GNA14: variants seen among roughly 807,000 people sequenced by gnomAD.
GNA14 encodes guanine nucleotide-binding protein subunit alpha-14.
A neutral mutation model predicts 42.0 loss-of-function variants in GNA14; 50 were observed. The ratio of observed to expected loss-of-function variants is 1.19; its 90% confidence interval spans 0.95 to 1.51. GNA14 has a LOEUF of 1.51. Among genes scored for constraint, GNA14 ranks in the 40% most tolerant of loss-of-function variants. The pLI is 0.00. For synonymous variants in GNA14, 173 were observed against 163.1 expected (o/e 1.06, Z -0.46); for missense variants, 473 against 446.2 (o/e 1.06, Z -0.54).
At chr9:77,473,745 C>T (rs577638013) in intron 2 of GNA14, among the ~76,000 whole-genome samples, 4 of 151,714 alleles carry the variant, frequency 2.6e-5, no homozygotes, top group Non-Finnish European at 5.9e-5. Flanking sequence ...GGGAGACTCA[C>T]GCTCCCTGAT....
intron 2 of GNA14, among the ~76,000 whole-genome samples, chr9:77,446,734 CG>C (rs1378576158): frequency 5.3e-5 from 8 of 152,174 alleles, no homozygotes; most frequent in African/African-American, 1.9e-4. Flanking sequence ...TGGATTGACA[CG>C]GATGTGACTA....
chr9:77,520,408 G>A (rs1335422766), intron 2 of GNA14, among the ~76,000 whole-genome samples: 1 of 152,182 alleles, frequency 6.6e-6, no homozygotes, highest in Non-Finnish European at 1.5e-5. Flanking sequence ...GCACAGCTCT[G>A]CTATGGGAAA....
intron 5 of GNA14, among the ~76,000 whole-genome samples, chr9:77,426,290 C>T (rs1835452297): frequency 1.4e-5 from 2 of 143,650 alleles, no homozygotes; most frequent in South Asian, 4.3e-4. Flanking sequence ...GGTGACCATA[C>T]TGTTGTTCAG....
At chr9:77,470,107 T>G (rs1042979824) in intron 2 of GNA14, among the ~76,000 whole-genome samples, 1 of 152,120 alleles carries the variant, frequency 6.6e-6, no homozygotes, top group Non-Finnish European at 1.5e-5. Context: ...GGGCATCCAG[T>G]AACCTCCCCA....
chr9:77,545,159 A>G (rs1322953553), intron 1 of GNA14, among the ~76,000 whole-genome samples: 1 of 152,234 alleles, frequency 6.6e-6, no homozygotes, highest in African/African-American at 2.4e-5. Context: ...TTGAAGCACT[A>G]CAACATTTTG....
At chr9:77,609,735 G>C (rs1000896768) in intron 1 of GNA14, among the ~76,000 whole-genome samples, 5 of 152,008 alleles carry the variant, frequency 3.3e-5, no homozygotes, top group Admixed American at 3.3e-4. Context: ...TCCTCTGTTG[G>C]GGTTCAGAAA....
At chr9:77,537,675 T>C (rs1317837099) in intron 1 of GNA14, among the ~76,000 whole-genome samples, 2 of 152,228 alleles carry the variant, frequency 1.3e-5, no homozygotes, top group Admixed American at 1.3e-4. Context: ...CCATAGTGGT[T>C]ATATTAGTTT....
intron 1 of GNA14, among the ~76,000 whole-genome samples, chr9:77,552,761 T>C (rs1388877595): frequency 6.6e-6 from 1 of 152,178 alleles, no homozygotes; most frequent in Admixed American, 6.5e-5. Context: ...CTTAGTTTCT[T>C]TTTAATGCCC....
intron 2 of GNA14, among the ~76,000 whole-genome samples, chr9:77,502,205 C>T (rs1174571648): frequency 6.6e-6 from 1 of 152,052 alleles, no homozygotes; most frequent in East Asian, 1.9e-4. Context: ...TTTATAATTG[C>T]TCATTGAAAC....
At chr9:77,462,446 C>T (rs893656168) in intron 2 of GNA14, among the ~76,000 whole-genome samples, 2 of 152,156 alleles carry the variant, frequency 1.3e-5, no homozygotes, top group Non-Finnish European at 2.9e-5. Flanking sequence ...TCAGGCTGGG[C>T]GCAGTGGCTC....
intron 1 of GNA14, among the ~76,000 whole-genome samples, chr9:77,624,062 G>A (rs1242237076): frequency 6.6e-6 from 1 of 152,108 alleles, no homozygotes; most frequent in East Asian, 1.9e-4. Flanking sequence ...GGTCGACCTG[G>A]GACACTCAAG....
At chr9:77,514,576 A>G (rs922041234) in intron 2 of GNA14, among the ~76,000 whole-genome samples, 2 of 147,486 alleles carry the variant, frequency 1.4e-5, no homozygotes, top group African/African-American at 5.4e-5. Flanking sequence ...GTGGAAAAAG[A>G]AGGTGTCAAA....
At chr9:77,590,593 C>T (rs1422600006) in intron 1 of GNA14, among the ~76,000 whole-genome samples, 3 of 152,052 alleles carry the variant, frequency 2.0e-5, no homozygotes. Flanking sequence ...GCCATGTGAA[C>T]CAGTGTCTGC....
At chr9:77,571,812 A>C (rs1045619120) in intron 1 of GNA14, among the ~76,000 whole-genome samples, 48 of 151,652 alleles carry the variant, frequency 3.2e-4, no homozygotes, top group African/African-American at 1.1e-3. Context: ...AGGACTTATT[A>C]TTTTTAAGAG....
intron 1 of GNA14, among the ~76,000 whole-genome samples, chr9:77,538,842 T>C (rs1207735268): frequency 3.3e-5 from 5 of 152,216 alleles, no homozygotes; most frequent in Non-Finnish European, 7.3e-5. Flanking sequence ...GTCTTTAGGT[T>C]TTCCTAGGTA....
At chr9:77,512,833 G>T (rs1198362770) in intron 2 of GNA14, among the ~76,000 whole-genome samples, 1 of 152,128 alleles carries the variant, frequency 6.6e-6, no homozygotes, top group African/African-American at 2.4e-5. Context: ...GATTTTATTT[G>T]ATTTTTACTG....
chr9:77,449,406 G>A lies in GNA14; in HGVS notation c.310-14884C>T, dbSNP rs969170450. ...AGAATTGTTCTGATTCCCATTAACAGAATTTTCCCCATTTCTTTTTTCTTC... is the reference window on the plus strand; with the variant it reads ...AGAATTGTTCTGATTCCCATTAACAAAATTTTCCCCATTTCTTTTTTCTTC... On this transcript the variant is annotated intron_variant, in intron 2 of 6. Coordinates refer to ENST00000341700, the MANE Select transcript of GNA14 (RefSeq NM_004297.4). Among the ~76,000 whole-genome samples, 3 of 152,204 alleles carry A rather than the reference G, an allele frequency of 2.0e-5. 1 individual carries two copies. The South Asian group carries it at 6.2e-4, about 32-fold the overall frequency.
chr9:77,615,236 CAGAGA>C (rs1191180260), intron 1 of GNA14, among the ~76,000 whole-genome samples: 1 of 152,098 alleles, frequency 6.6e-6, no homozygotes, highest in Non-Finnish European at 1.5e-5. Context: ...ATCAATTTCT[CAGAGA>C]AGAGACTCTC....
intron 1 of GNA14, among the ~76,000 whole-genome samples, chr9:77,623,216 C>CAAAAAAAAAAAAA (rs34368561): frequency 4.5e-4 from 12 of 26,852 alleles, no homozygotes; most frequent in Non-Finnish European, 5.1e-4. Context: ...GACGCTGTCT[C>CAAAAAAAAAAAAA]AAAAAAAAAA....
Sources: gnomAD v4.1 joint callset for allele counts (sites outside exome capture counted in the v4.1 genomes callset) on GRCh38, gnomAD v4.1.1 for gene constraint, MANE v1.5 for transcripts, NCBI Gene and HGNC (gene_info 2026-07-23, HGNC 2026-07-21) for gene names.